The following DENND4C variants were observed in gnomAD, a reference collection of about 807,000 sequenced individuals.
DENND4C encodes the protein DENN domain containing 4C.
Under a neutral mutation model 203.0 loss-of-function variants are expected in DENND4C, and 108 were observed. That is an observed-to-expected ratio of 0.53 (90% CI 0.46 to 0.62). The LOEUF is 0.62. DENND4C is among the 20% of genes least tolerant of loss of function. DENND4C has a pLI of 0.00. For missense variants in DENND4C, 2,481 were observed against 2,301.2 expected (o/e 1.08, Z -1.60); for synonymous variants, 871 against 792.4 (o/e 1.10, Z -1.67).
chr9:19,338,256 A>G (rs1820915063), intron 20 of DENND4C, among the ~76,000 whole-genome samples: 1 of 152,120 alleles, frequency 6.6e-6, no homozygotes, highest in South Asian at 2.1e-4. Flanking sequence ...AATGGGCTTC[A>G]TGTATAAAAA....
chr9:19,318,948 C>G (rs146638351), intron 12 of DENND4C, among the ~76,000 whole-genome samples: 3,223 of 152,198 alleles, frequency 0.021, 120 homozygotes, highest in African/African-American at 0.073. Context: ...GCAGGCTGAT[C>G]ACCTGAGGTC....
chr9:19,281,539 T>G (rs1477721140), intron 2 of DENND4C, among the ~76,000 whole-genome samples: 2 of 152,228 alleles, frequency 1.3e-5, no homozygotes, highest in Non-Finnish European at 1.5e-5. Flanking sequence ...CTTTTGTCTT[T>G]TTTACTGTTT....
chr9:19,298,493 C>A (rs892263168), intron 7 of DENND4C, among the ~76,000 whole-genome samples: 1 of 152,034 alleles, frequency 6.6e-6, no homozygotes, highest in African/African-American at 2.4e-5. Context: ...TAAACAAGGT[C>A]TATAATAGTA....
At chr9:19,332,658 G>A (rs991619599) in intron 17 of DENND4C, among the ~76,000 whole-genome samples, 1 of 149,964 alleles carries the variant, frequency 6.7e-6, no homozygotes, top group Admixed American at 6.7e-5. Flanking sequence ...CATCACATCC[G>A]GCCATGTTTG....
In DENND4C at chr9:19,361,921, C is replaced by G; in HGVS notation, c.5482C>G (p.Gln1828Glu). 3 of 1,611,596 alleles carry G rather than the reference C, an allele frequency of 1.9e-6. No individual in the cohort carries two copies. Among genetic ancestry groups the G allele is most frequent in the Non-Finnish European group, 2.5e-6 (3 of 1,177,826 alleles). Residue 1828 changes from glutamine (Q) to glutamate (E), a missense_variant, in exon 30 of 33, where the codon CAG becomes GAG. Coordinates refer to ENST00000434457, the MANE Select transcript of DENND4C (RefSeq NM_001330640.2). The part of the protein sequence containing the change: ...QLLWDNINLH[Q>E]EPREPLYVSW... ...GTTATGGGATAATATCAACCTTCATCAGGAACCAAGAGAACCTCTGTATGT... is the reference window on the plus strand; with the variant it reads ...GTTATGGGATAATATCAACCTTCATGAGGAACCAAGAGAACCTCTGTATGT...
chr9:19,324,281 A>G, intron 12 of DENND4C, 81 bp from the exon 13 acceptor site: 1 of 1,036,582 alleles, frequency 9.6e-7, no homozygotes, highest in Non-Finnish European at 1.4e-6. Flanking sequence ...AATGTAATAT[A>G]GATAAGTACA....
At chr9:19,321,849 A>G (rs962119128) in intron 12 of DENND4C, among the ~76,000 whole-genome samples, 9 of 150,126 alleles carry the variant, frequency 6.0e-5, no homozygotes, top group South Asian at 2.1e-4. Flanking sequence ...AAAAAAAAAA[A>G]AGAGAAATAG....
At chr9:19,243,244 A>G (rs1824221085) in intron 1 of DENND4C, among the ~76,000 whole-genome samples, 1 of 152,164 alleles carries the variant, frequency 6.6e-6, no homozygotes, top group Admixed American at 6.5e-5. Flanking sequence ...GAAGTCATAC[A>G]ATATGTGATC....
intron 9 of DENND4C, among the ~76,000 whole-genome samples, chr9:19,303,260 G>T (rs140138774): frequency 3.9e-5 from 6 of 152,210 alleles, no homozygotes; most frequent in Admixed American, 3.9e-4. Flanking sequence ...TCAGGTTAGG[G>T]ATGCTCAACC....
At position 19,328,019 on chromosome 9, in the gene DENND4C, T is replaced by G; in HGVS notation, c.2121-11T>G. 1 of 1,581,610 alleles carries G rather than the reference T, an allele frequency of 6.3e-7. No individual in the cohort carries two copies. The highest frequency in any genetic ancestry group is 8.5e-7 in the Non-Finnish European group (1 of 1,171,000). ...TTTAAATCAGCAGTTCTATTTTTTT[T>G]TTTATTTTAGTTACAAATACTTTCC... On this transcript the variant is annotated splice_polypyrimidine_tract_variant and intron_variant, in intron 15 of 32. Transcript: ENST00000434457.
intron 16 of DENND4C, among the ~76,000 whole-genome samples, chr9:19,328,433 T>C (rs1393111824): frequency 2.0e-5 from 3 of 149,210 alleles, no homozygotes; most frequent in Non-Finnish European, 4.5e-5. Flanking sequence ...GCCAACATGG[T>C]GAAACCCCAT....
At chr9:19,350,047 A>T (rs144549084) in intron 23 of DENND4C, among the ~76,000 whole-genome samples, 2 of 152,138 alleles carry the variant, frequency 1.3e-5, no homozygotes, top group Non-Finnish European at 2.9e-5. Flanking sequence ...GAAGACACAA[A>T]TCTTTCATTT....
chr9:19,282,715 C>CTTTTTTTTTTTTTTTTTTTTTTTTT (rs1554717864), intron 2 of DENND4C, among the ~76,000 whole-genome samples: 3 of 86,636 alleles, frequency 3.5e-5, no homozygotes, highest in African/African-American at 1.3e-4. Context: ...TTTCTTCTCT[C>CTTTTTTTTTTTTTTTTTTTTTTTTT]TTTTTTTTTT....
intron 6 of DENND4C, among the ~76,000 whole-genome samples, chr9:19,297,851 G>A (rs1837773957): frequency 6.6e-6 from 1 of 152,072 alleles, no homozygotes; most frequent in South Asian, 2.1e-4. Context: ...TAGACTTTAA[G>A]TCAGGAAATA....
chr9:19,360,158 T>C (rs910081938), intron 28 of DENND4C, 86 bp from the exon 29 acceptor site: 68 of 1,342,542 alleles, frequency 5.1e-5, no homozygotes, highest in Non-Finnish European at 6.7e-5. Context: ...TTAAAAAGGA[T>C]AGAGAGGCAT....
rs1471097831 is a variant in DENND4C, at chr9:19,372,280, G to T, written c.*107G>T. 1 of 1,344,780 alleles carries T rather than the reference G, an allele frequency of 7.4e-7. No homozygotes were observed. The highest frequency in any genetic ancestry group is 1.0e-6 in the Non-Finnish European group (1 of 980,290). 83.3% of individuals were successfully genotyped at this position (1,344,780 alleles called of 1,614,324 possible). A position where few individuals can be genotyped will look rare whatever the true frequency, so the allele number is the denominator to read the frequency against. On this transcript the variant is annotated 3_prime_UTR_variant, in exon 33 of 33. Coordinates refer to ENST00000434457, the MANE Select transcript of DENND4C (RefSeq NM_001330640.2). ...CGTAAGAACTGGTGAATACGGAATTGAAGTAACTCTTGGGGACAATATATA... is the reference window on the plus strand; with the variant it reads ...CGTAAGAACTGGTGAATACGGAATTTAAGTAACTCTTGGGGACAATATATA...
At chr9:19,231,703 G>A (rs1271572884) in intron 1 of DENND4C, among the ~76,000 whole-genome samples, 1 of 151,796 alleles carries the variant, frequency 6.6e-6, no homozygotes, top group East Asian at 1.9e-4. Flanking sequence ...TAGTTACCGC[G>A]GGTACTTGTG....
intron 11 of DENND4C, 25 bp downstream of exon 11, chr9:19,316,542 A>G (rs764461580): frequency 1.2e-6 from 2 of 1,603,750 alleles, no homozygotes; most frequent in South Asian, 2.2e-5. Context: ...AAGGAATATT[A>G]TTAATGAAGG....
At position 19,352,671 on chromosome 9, in the gene DENND4C, T is replaced by G; in HGVS notation, c.4781+6T>G. 6.3e-7 allele frequency: 1 copy of G among 1,574,900 alleles called. No homozygotes were observed. The highest frequency in any genetic ancestry group is 8.6e-7 in the Non-Finnish European group (1 of 1,158,426). On this transcript the variant is annotated splice_donor_region_variant and intron_variant, in intron 26 of 32. Coordinates refer to ENST00000434457, the MANE Select transcript of DENND4C (RefSeq NM_001330640.2). ...GATTTGAGAGGTTCTGCAAGGTTAGTCTTATAAAAGCTCTCTCAAGAAGTA... is the reference window on the plus strand; with the variant it reads ...GATTTGAGAGGTTCTGCAAGGTTAGGCTTATAAAAGCTCTCTCAAGAAGTA...
Sources: gnomAD v4.1 joint callset for allele counts (sites outside exome capture counted in the v4.1 genomes callset) on GRCh38, gnomAD v4.1.1 for gene constraint, MANE v1.5 for transcripts, NCBI Gene and HGNC (gene_info 2026-07-23, HGNC 2026-07-21) for gene names.